The following NFATC1 variants were observed in gnomAD, a reference collection of about 807,000 sequenced individuals.
NFATC1 encodes the protein nuclear factor of activated T cells 1, also known as nuclear factor of activated T-cells, cytoplasmic 1.
Under a neutral mutation model 76.0 loss-of-function variants are expected in NFATC1, and 22 were observed. The observed-to-expected ratio is 0.29, with a 90% CI of 0.21 to 0.41. The LOEUF is 0.41. Ranked by LOEUF, NFATC1 falls within the 10% of genes least tolerant of loss-of-function variation. NFATC1 has a pLI of 1.00. For synonymous variants in NFATC1, 704 were observed against 613.1 expected (o/e 1.15, Z -2.19); for missense variants, 1,357 against 1,337.7 (o/e 1.01, Z -0.23).
chr18:79,423,638 G>A (rs2086178532), intron 2 of NFATC1, among the ~76,000 whole-genome samples: 1 of 152,190 alleles, frequency 6.6e-6, no homozygotes, highest in African/African-American at 2.4e-5. Context: ...GGCACAGATG[G>A]CTGCAGGGGC....
intron 2 of NFATC1, among the ~76,000 whole-genome samples, chr18:79,424,853 GTCTC>G (rs1341392998): frequency 5.5e-5 from 7 of 126,198 alleles, no homozygotes; most frequent in African/African-American, 8.2e-5. Context: ...CTGTTTCTCT[GTCTC>G]TCTCTGTCTC....
At chr18:79,399,112 G>T (rs568768116) in intron 1 of NFATC1, among the ~76,000 whole-genome samples, 1 of 152,246 alleles carries the variant, frequency 6.6e-6, no homozygotes, top group African/African-American at 2.4e-5. Flanking sequence ...AAACGTTGTG[G>T]CTTCTCAACA....
At chr18:79,473,861 TGTA>T (rs1463291718) in intron 8 of NFATC1, among the ~76,000 whole-genome samples, 1 of 143,878 alleles carries the variant, frequency 7.0e-6, no homozygotes, top group Non-Finnish European at 1.5e-5. Context: ...CTGTCAACGT[TGTA>T]AACCTGAGGG....
intron 2 of NFATC1, among the ~76,000 whole-genome samples, chr18:79,432,719 A>G (rs991619810): frequency 2.0e-5 from 3 of 152,204 alleles, no homozygotes; most frequent in Admixed American, 1.3e-4. Context: ...CCTAGATGCA[A>G]GAACCCCTTG....
intron 6 of NFATC1, among the ~76,000 whole-genome samples, chr18:79,456,883 C>T (rs533317824): frequency 1.6e-4 from 24 of 152,284 alleles, no homozygotes; most frequent in Non-Finnish European, 2.9e-4. Context: ...CTCCAGCGTC[C>T]GCGGCACGGG....
At chr18:79,481,776 G>C (rs567081914) in intron 8 of NFATC1, among the ~76,000 whole-genome samples, 1 of 152,014 alleles carries the variant, frequency 6.6e-6, no homozygotes, top group Non-Finnish European at 1.5e-5. Context: ...TAATTCCAGC[G>C]TGACCTGGTC....
chr18:79,431,316 G>A (rs1020920904), intron 2 of NFATC1, among the ~76,000 whole-genome samples: 2 of 152,162 alleles, frequency 1.3e-5, no homozygotes, highest in African/African-American at 4.8e-5. Flanking sequence ...TGCCTCCTGG[G>A]CTTTTTCCTC....
chr18:79,496,767 C>G (rs1035558829), intron 9 of NFATC1: 1 of 152,230 alleles, frequency 6.6e-6, no homozygotes, highest in Non-Finnish European at 1.5e-5. Flanking sequence ...GGACGTGTAG[C>G]CTTTGTACGT....
At chr18:79,396,689 C>G (rs1171303017) in intron 1 of NFATC1, among the ~76,000 whole-genome samples, 1 of 152,190 alleles carries the variant, frequency 6.6e-6, no homozygotes, top group South Asian at 2.1e-4. Flanking sequence ...ACAGAGGGCA[C>G]GTGGGAGGGA....
chr18:79,512,953 C>T (rs1357309003), intron 9 of NFATC1, among the ~76,000 whole-genome samples: 1 of 152,244 alleles, frequency 6.6e-6, no homozygotes, highest in Admixed American at 6.5e-5. Flanking sequence ...CACACCAAAT[C>T]GCCTTCCGTA....
At chr18:79,398,550 G>A (rs1279915624) in intron 1 of NFATC1, among the ~76,000 whole-genome samples, 2 of 152,180 alleles carry the variant, frequency 1.3e-5, no homozygotes, top group Non-Finnish European at 2.9e-5. Context: ...GGAAGGGGGG[G>A]CTCCTAGGAG....
Position 79,398,351 on chromosome 18 carries a change from G to C in NFATC1, c.127+2000G>C, listed in dbSNP as rs181769043. ...TCCCAGCTCAGATTAGAAAATGGCAGGGCGCTGGCACCCCGCTTCATCACA... is the reference window on the plus strand; with the variant it reads ...TCCCAGCTCAGATTAGAAAATGGCACGGCGCTGGCACCCCGCTTCATCACA... On this transcript the variant is annotated intron_variant, in intron 1 of 9. Transcript: ENST00000427363. Among the ~76,000 whole-genome samples the C allele has an allele frequency of 1.4e-4, 22 of 152,356 alleles. No individual in the cohort carries two copies. The East Asian group carries it at 4.2e-3, about 29-fold the overall frequency.
chr18:79,446,901 C>G (rs1190331207), intron 3 of NFATC1, among the ~76,000 whole-genome samples: 4 of 152,204 alleles, frequency 2.6e-5, no homozygotes, highest in Non-Finnish European at 5.9e-5. Flanking sequence ...CAGCCTCTGG[C>G]TTTGTGTTTC....
rs150197760 is a variant in NFATC1, at chr18:79,451,792, G to A, written c.1879G>A (p.Val627Ile). The part of the protein sequence containing the change: ...SGHNFLQDSK[V>I]IFVEKAPDGH... ...CCACAACTTCCTGCAGGACTCCAAG[G>A]TCATTTTCGTGGAGAAAGCCCCAGG... The change falls in exon 6 of 10, where the codon GTC becomes ATC. Residue 627 changes from valine to isoleucine, a missense_variant. By Grantham distance (29) the Val-to-Ile change is conservative (BLOSUM62 3). Around this residue, in one of 3 missense-constraint regions of NFATC1, gnomAD observed 242 missense variants for 329.2 expected, o/e 0.74. Coordinates refer to ENST00000427363, the MANE Select transcript of NFATC1 (RefSeq NM_001278669.2). The A allele has an allele frequency of 8.1e-5, 131 of 1,611,682 alleles. No individual in the cohort carries two copies. Among genetic ancestry groups the A allele is most frequent in the Non-Finnish European group, 1.1e-4 (127 of 1,178,952 alleles).
intron 3 of NFATC1, among the ~76,000 whole-genome samples, chr18:79,439,932 A>G (rs1258523218): frequency 2.6e-5 from 4 of 152,194 alleles, no homozygotes; most frequent in Non-Finnish European, 5.9e-5. Context: ...AGTAATGACA[A>G]TATTTGAGAA....
At chr18:79,437,040 T>C (rs2086804916) in intron 3 of NFATC1, among the ~76,000 whole-genome samples, 1 of 152,162 alleles carries the variant, frequency 6.6e-6, no homozygotes, top group African/African-American at 2.4e-5. Context: ...GGCCGTGGTT[T>C]AGCCTGGAAG....
At chr18:79,514,118 C>A (rs2090324504) in intron 9 of NFATC1, among the ~76,000 whole-genome samples, 1 of 152,058 alleles carries the variant, frequency 6.6e-6, no homozygotes, top group Non-Finnish European at 1.5e-5. Flanking sequence ...TTGGCGTTCC[C>A]ATCTAGTTGT....
At chr18:79,458,330 T>G (rs548938798) in intron 6 of NFATC1, among the ~76,000 whole-genome samples, 30 of 107,934 alleles carry the variant, frequency 2.8e-4, no homozygotes, top group African/African-American at 1.7e-3. Context: ...CGAGGATGCT[T>G]TGGGGAGCAG....
At chr18:79,504,633 CGTG>C (rs369848749) in intron 9 of NFATC1, among the ~76,000 whole-genome samples, 214 of 152,348 alleles carry the variant, frequency 1.4e-3, no homozygotes, top group African/African-American at 4.9e-3. Flanking sequence ...CTGTTGGAAA[CGTG>C]GTGCCCACAG....
Sources: allele counts gnomAD v4.1 joint callset (sites outside exome capture counted in the v4.1 genomes callset), GRCh38; gene constraint gnomAD v4.1.1; regional missense constraint gnomAD v4.1.1; transcripts MANE v1.5; gene names NCBI Gene and HGNC (gene_info 2026-07-23, HGNC 2026-07-21).